Variants in TRAK1 observed in about 807,000 individuals in gnomAD.
TRAK1 encodes trafficking kinesin protein 1.
TRAK1 carries 33 observed loss-of-function variants against 92.1 expected under a neutral mutation model. That is an observed-to-expected ratio of 0.36 (90% CI 0.27 to 0.48). The LOEUF (loss-of-function observed/expected upper bound fraction) is 0.48, where lower values mean the gene tolerates loss of function less well. Among genes scored for constraint, TRAK1 ranks in the 20% least tolerant of loss-of-function variants. TRAK1 has a pLI of 0.99. For missense variants in TRAK1, 1,123 were observed against 1,257.9 expected, an observed-to-expected ratio of 0.89 and a Z score of 1.62; for synonymous variants, 521 against 517.3, an observed-to-expected ratio of 1.01 and a Z score of -0.10.
chr3:42,022,719 T>A (rs7428948), intron 1 of TRAK1, among the ~76,000 whole-genome samples: 1 of 147,314 alleles, frequency 6.8e-6, no homozygotes, highest in African/African-American at 2.5e-5. Context: ...GAGACCCTGT[T>A]TTAAAAAAAA....
chr3:42,052,049 C>A (rs1299561717), intron 1 of TRAK1, among the ~76,000 whole-genome samples: 1 of 152,182 alleles, frequency 6.6e-6, no homozygotes, highest in Non-Finnish European at 1.5e-5. Flanking sequence ...TCTGCAGACT[C>A]CATCAGAAGC....
intron 1 of TRAK1, among the ~76,000 whole-genome samples, chr3:42,097,641 T>C (rs989970064): frequency 6.6e-6 from 1 of 152,246 alleles, no homozygotes; most frequent in Admixed American, 6.5e-5. Flanking sequence ...AAAATTCTAA[T>C]TACTATTTAT....
intron 2 of TRAK1, chr3:42,149,098 G>T (rs1331273861): frequency 2.6e-6 from 2 of 776,872 alleles, no homozygotes; most frequent in Non-Finnish European, 3.1e-6. Context: ...TTCAGAGCCG[G>T]CCAGTTTCTA....
At chr3:42,131,642 C>G (rs1230990936) in intron 2 of TRAK1, among the ~76,000 whole-genome samples, 2 of 151,868 alleles carry the variant, frequency 1.3e-5, no homozygotes, top group African/African-American at 4.8e-5. Flanking sequence ...CTCTTGAACC[C>G]GGGAGGCAGA....
intron 14 of TRAK1, among the ~76,000 whole-genome samples, chr3:42,216,383 G>C (rs1364180126): frequency 6.6e-6 from 1 of 152,162 alleles, no homozygotes; most frequent in Non-Finnish European, 1.5e-5. Flanking sequence ...GGGCCCCCGA[G>C]GAGCATGGGC....
chr3:42,186,583 G>C (rs550680538), intron 4 of TRAK1, among the ~76,000 whole-genome samples: 123 of 152,296 alleles, frequency 8.1e-4, no homozygotes, highest in African/African-American at 2.7e-3. Flanking sequence ...TGGTGAGAAG[G>C]CATGCTGGGT....
At chr3:42,021,346 AGTTG>A (rs1470996468) in intron 1 of TRAK1, among the ~76,000 whole-genome samples, 3 of 152,200 alleles carry the variant, frequency 2.0e-5, no homozygotes, top group African/African-American at 7.2e-5. Flanking sequence ...GGAATTGTAC[AGTTG>A]TACAATTGCT....
intron 1 of TRAK1, among the ~76,000 whole-genome samples, chr3:42,018,451 AT>A (rs1321328574): frequency 6.6e-6 from 1 of 152,180 alleles, no homozygotes; most frequent in Non-Finnish European, 1.5e-5. Context: ...AGGATAGTCT[AT>A]CCAGAGGAAG....
chr3:42,029,381 G>C (rs1044943203), intron 1 of TRAK1, among the ~76,000 whole-genome samples: 15 of 151,970 alleles, frequency 9.9e-5, no homozygotes, highest in African/African-American at 3.6e-4. Flanking sequence ...TGGGACTGCA[G>C]GTGCGCGCCA....
intron 12 of TRAK1, among the ~76,000 whole-genome samples, chr3:42,201,869 C>T (rs1473680590): frequency 7.4e-6 from 1 of 135,748 alleles, no homozygotes; most frequent in African/African-American, 2.9e-5. Context: ...GACGGACGGA[C>T]GGACGGACAG....
intron 1 of TRAK1, among the ~76,000 whole-genome samples, chr3:42,096,198 C>T (rs1335602550): frequency 6.6e-6 from 1 of 151,984 alleles, no homozygotes; most frequent in Non-Finnish European, 1.5e-5. Context: ...TTTTTGTTAC[C>T]CTTAAATGAA....
chr3:42,209,674 A>G, intron 13 of TRAK1, 93 bp from the exon 14 acceptor site: 2 of 1,301,878 alleles, frequency 1.5e-6, no homozygotes, highest in Non-Finnish European at 2.1e-6. Flanking sequence ...CACGCTAAGC[A>G]CTTTGAGGGT....
chr3:42,019,061 G>A (rs2148878007), intron 1 of TRAK1, among the ~76,000 whole-genome samples: 1 of 152,212 alleles, frequency 6.6e-6, no homozygotes. Context: ...AGTGGAGGTT[G>A]CATTGAGCCA....
rs542494978 is a variant in TRAK1 at position 42,131,608 on chromosome 3, C to T, written c.286+5994C>T. On this transcript the variant is annotated intron_variant, in intron 2 of 15. Transcript: ENST00000327628. ...GGCGTGCACCTGTAATCCCAGCTAACTTGGGAGGCTGAGACAGGAGAATCT... is the reference window on the plus strand; with the variant it reads ...GGCGTGCACCTGTAATCCCAGCTAATTTGGGAGGCTGAGACAGGAGAATCT... Among the ~76,000 whole-genome samples the T allele has an allele frequency of 3.3e-5, 5 of 150,972 alleles. No individual in the cohort carries two copies. The South Asian group carries it at 1.0e-3, about 32-fold the overall frequency.
chr3:42,171,558 T>G (rs898375479), intron 2 of TRAK1, among the ~76,000 whole-genome samples: 2 of 152,150 alleles, frequency 1.3e-5, no homozygotes, highest in African/African-American at 2.4e-5. Flanking sequence ...AGGTTCTGCC[T>G]TCTGCCTGGG....
chr3:42,219,787 T>TG (rs1710143695), intron 15 of TRAK1, among the ~76,000 whole-genome samples, 191 bp downstream of exon 15: 4 of 12,910 alleles, frequency 3.1e-4, no homozygotes, highest in African/African-American at 5.3e-4. Flanking sequence ...TTGTTATGTG[T>TG]TTTTTTTTTT....
At chr3:42,203,704 C>A in intron 13 of TRAK1, 1 of 985,138 alleles carries the variant, frequency 1.0e-6, no homozygotes, top group Non-Finnish European at 1.2e-6. Context: ...GCAGAACTTT[C>A]CCAACTTTAA....
At chr3:42,093,118 G>A (rs1705347401) in intron 1 of TRAK1, among the ~76,000 whole-genome samples, 2 of 152,096 alleles carry the variant, frequency 1.3e-5, no homozygotes, top group African/African-American at 2.4e-5. Context: ...AATGGACAGT[G>A]AAATATATAT....
At chr3:42,187,532 A>T (rs953178643) in intron 4 of TRAK1, among the ~76,000 whole-genome samples, 2 of 151,598 alleles carry the variant, frequency 1.3e-5, no homozygotes, top group Admixed American at 6.6e-5. Flanking sequence ...CAGTGGTGTG[A>T]TCTCAGCTCA....
Sources: allele counts gnomAD v4.1 joint callset (sites outside exome capture counted in the v4.1 genomes callset), GRCh38; gene constraint gnomAD v4.1.1; transcripts MANE v1.5; gene names NCBI Gene and HGNC (gene_info 2026-07-23, HGNC 2026-07-21).